The following VWF variants were observed in gnomAD, a reference collection of about 807,000 sequenced individuals.
VWF encodes Factor VIII related antigen.
VWF carries 176 observed loss-of-function variants against 308.6 expected under a neutral mutation model. The observed-to-expected ratio is 0.57, with a 90% confidence interval of 0.50 to 0.65. The LOEUF (loss-of-function observed/expected upper bound fraction) is 0.65. VWF is among the 30% of genes least tolerant of loss of function. VWF has a pLI of 0.00. For missense variants in VWF, 3,146 were observed against 3,648.2 expected (o/e 0.86, Z 3.55); for synonymous variants, 1,385 against 1,443.4 (o/e 0.96, Z 0.92).
intron 18 of VWF, among the ~76,000 whole-genome samples, chr12:6,041,318 T>G (rs151102912): frequency 0.03 from 4,593 of 151,290 alleles, 216 homozygotes; most frequent in African/African-American, 0.11. Flanking sequence ...TAATCCCAGC[T>G]ACTCAGAAGG....
At chr12:5,994,647 T>G in intron 35 of VWF, 40 bp from the exon 36 acceptor site, 3 of 1,599,688 alleles carry the variant, frequency 1.9e-6, no homozygotes, top group Non-Finnish European at 2.6e-6. Flanking sequence ...GTCCTAGCAA[T>G]GAGGAATCCT....
intron 7 of VWF, 37 bp from the exon 8 acceptor site, chr12:6,073,778 G>T (rs755351868): frequency 1.2e-6 from 2 of 1,612,856 alleles, no homozygotes; most frequent in Non-Finnish European, 1.7e-6. Flanking sequence ...CCCAGGGCAG[G>T]TCCCACCGGT....
chr12:6,016,270 A>G, intron 30 of VWF, 38 bp from the exon 31 acceptor site: 1 of 1,614,182 alleles, frequency 6.2e-7, no homozygotes, highest in Non-Finnish European at 8.5e-7. Context: ...GTCAGTACTG[A>G]CTGCGGCTCG....
At position 6,020,891 on chromosome 12, in the gene VWF, A is replaced by G. The variant is rs1944122494; in HGVS notation, c.3674+1009T>C. On this transcript the variant is annotated intron_variant, in intron 27 of 51. Transcript: ENST00000261405. This position sits in a 1 kb window ranked among gnomAD's most constrained non-coding sequence, Gnocchi z 4.3. ...GTGTGCCAGCAAAGGAGGTGGGGAG[A>G]GGGCTCGAAGCTCTCATGCCCTTTT... Among the ~76,000 whole-genome samples the G allele has an allele frequency of 1.3e-5, 2 of 152,154 alleles. No homozygotes were observed. Among genetic ancestry groups the G allele is most frequent in the Non-Finnish European group, 2.9e-5 (2 of 68,044 alleles).
At chr12:5,964,230 A>G (rs796798645) in intron 47 of VWF, among the ~76,000 whole-genome samples, 2 of 140,414 alleles carry the variant, frequency 1.4e-5, no homozygotes, top group African/African-American at 3.1e-5. Flanking sequence ...ATACATACAT[A>G]CATACATACA....
chr12:6,044,478 G>C, intron 17 of VWF, 27 bp from the exon 18 acceptor site: 1 of 1,611,898 alleles, frequency 6.2e-7, no homozygotes. Context: ...GCAAAGAGAT[G>C]ATTAGTGAAG....
chr12:6,031,297 G>T, intron 21 of VWF, 147 bp downstream of exon 21: 1 of 1,348,732 alleles, frequency 7.4e-7, no homozygotes, highest in Non-Finnish European at 1.0e-6. Flanking sequence ...ATACGTCACG[G>T]TCAGTTGCAA....
chr12:5,984,164 A>C lies in VWF; in HGVS notation c.6976+881T>G, dbSNP rs183108615. ...CTGGAAGGTGGGAACTCTACCTTAT[A>C]GGATCAGTCTGAGGAGTTCACAAAA... On this transcript the variant is annotated intron_variant, in intron 40 of 51. Transcript: ENST00000261405. Among the ~76,000 whole-genome samples the C allele has an allele frequency of 2.0e-5, 3 of 152,354 alleles. No homozygotes were observed. In the East Asian group the frequency reaches 5.8e-4, roughly 29 times the overall value.
At chr12:5,992,297 T>C (rs1943754084) in intron 37 of VWF, among the ~76,000 whole-genome samples, 1 of 152,234 alleles carries the variant, frequency 6.6e-6, no homozygotes, top group African/African-American at 2.4e-5. Context: ...TAGTATCCCA[T>C]GGCAGCTTCC....
chr12:6,060,077 G>A lies in VWF; in HGVS notation c.1534-2033C>T, dbSNP rs539394540. 2.6e-5 allele frequency among the ~76,000 whole-genome samples: 4 copies of A among 152,170 alleles called. No individual in the cohort carries two copies. Among genetic ancestry groups the A allele is most frequent in the East Asian group, 1.9e-4 (1 of 5,180 alleles). ...TTCTCCCATCCCCTTGGCTTGTCTC[G>A]GAGGTCAGCTCGGCCAGGGTTAGGA... On this transcript the variant is annotated intron_variant, in intron 13 of 51. Coordinates refer to ENST00000261405, the MANE Select transcript of VWF (RefSeq NM_000552.5). The surrounding 1 kb of genome is among the most constrained non-coding windows in gnomAD (Gnocchi z 5.1).
chr12:6,087,906 T>C (rs1459469451), intron 6 of VWF, among the ~76,000 whole-genome samples: 1 of 152,060 alleles, frequency 6.6e-6, no homozygotes. Context: ...GGTAGAGTGG[T>C]AACTGGTGCA....
intron 2 of VWF, among the ~76,000 whole-genome samples, chr12:6,122,324 G>A (rs1945441229): frequency 6.6e-6 from 1 of 152,112 alleles, no homozygotes; most frequent in African/African-American, 2.4e-5. Flanking sequence ...CATGTCTTGG[G>A]CATGTTAAAT....
chr12:6,031,640 G>A (rs1944265122), intron 20 of VWF, 62 bp from the exon 21 acceptor site: 1 of 1,612,318 alleles, frequency 6.2e-7, no homozygotes, highest in African/African-American at 1.3e-5. Flanking sequence ...CAGACCAGAA[G>A]ATTGGCATCT....
chr12:5,967,938 G>A (rs1943422554), intron 46 of VWF, among the ~76,000 whole-genome samples, 189 bp downstream of exon 46: 1 of 152,194 alleles, frequency 6.6e-6, no homozygotes, highest in Admixed American at 6.5e-5. Context: ...GACAGGCCCG[G>A]AGAGTCAGGA....
At chr12:5,983,631 A>G (rs1169864408) in intron 40 of VWF, among the ~76,000 whole-genome samples, 3 of 152,046 alleles carry the variant, frequency 2.0e-5, no homozygotes, top group Non-Finnish European at 4.4e-5. Context: ...ACAGATAGAT[A>G]TAGAATAGAT....
chr12:6,089,857 G>T (rs2136491757), intron 6 of VWF, among the ~76,000 whole-genome samples: 1 of 152,180 alleles, frequency 6.6e-6, no homozygotes, highest in South Asian at 2.1e-4. Flanking sequence ...CCCTTCATCT[G>T]CCTGGAGAAC....
rs147025882 is a variant in VWF, at chr12:5,989,747, T to TGCTCTCAG, written c.6798+2064_6798+2071dup. Among the ~76,000 whole-genome samples the TGCTCTCAG allele has an allele frequency of 7.0e-3, 1,073 of 152,334 alleles. 15 individuals are homozygous for TGCTCTCAG. Among genetic ancestry groups the TGCTCTCAG allele is most frequent in the African/African-American group, 0.024 (1,007 of 41,570 alleles). ...ACTAAGATAAAGTTCACAGTCTTCCTGCTCTCAGGACCTTGCAGACATTTG... is the reference window on the plus strand; with the variant it reads ...ACTAAGATAAAGTTCACAGTCTTCCTGCTCTCAGGCTCTCAGGACCTTGCAGACATTTG... On this transcript the variant is annotated intron_variant, in intron 38 of 51. Transcript: ENST00000261405.
chr12:6,040,128 G>A (rs773271693), intron 18 of VWF, among the ~76,000 whole-genome samples: 3 of 152,110 alleles, frequency 2.0e-5, no homozygotes, highest in East Asian at 1.9e-4. Flanking sequence ...TGCCCTCTAC[G>A]ATGCTCCCAG....
At chr12:6,079,664 T>A (rs1944886252) in intron 6 of VWF, among the ~76,000 whole-genome samples, 2 of 151,152 alleles carry the variant, frequency 1.3e-5, no homozygotes, top group Admixed American at 1.3e-4. Flanking sequence ...ACTCTCAGGC[T>A]CGTGGCAGAG....
Sources: gnomAD v4.1 joint callset for allele counts (sites outside exome capture counted in the v4.1 genomes callset) on GRCh38, gnomAD v4.1.1 for gene constraint, Gnocchi (gnomAD v3.1) non-coding constraint, MANE v1.5 for transcripts, NCBI Gene and HGNC (gene_info 2026-07-23, HGNC 2026-07-21) for gene names.